The following CDC42SE2 variants were observed in gnomAD, a reference collection of about 807,000 sequenced individuals.
CDC42SE2 encodes CDC42 small effector 2, also known as CDC42 small effector protein 2.
A neutral mutation model predicts 11.5 loss-of-function variants in CDC42SE2; 3 were observed. The observed-to-expected ratio is 0.26, with a 90% confidence interval of 0.12 to 0.67. CDC42SE2 has a LOEUF of 0.67. Among genes scored for constraint, CDC42SE2 ranks in the 30% least tolerant of loss-of-function variants. The probability of loss-of-function intolerance (pLI) is 0.80; values close to 1 mark genes in which losing one functional copy is unlikely to be tolerated. For missense variants in CDC42SE2, 82 were observed against 106.8 expected, an observed-to-expected ratio of 0.77 and a Z score of 1.02; for synonymous variants, 33 against 34.8, an observed-to-expected ratio of 0.95 and a Z score of 0.18.
At chr5:131,351,303 G>T (rs557678208) in intron 2 of CDC42SE2, among the ~76,000 whole-genome samples, 1 of 152,010 alleles carries the variant, frequency 6.6e-6, no homozygotes, top group Non-Finnish European at 1.5e-5. Context: ...TGCCCAGGCT[G>T]GAGTGCAGTG....
intron 1 of CDC42SE2, among the ~76,000 whole-genome samples, chr5:131,291,169 T>C (rs946108129): frequency 6.6e-6 from 1 of 152,216 alleles, no homozygotes; most frequent in Non-Finnish European, 1.5e-5. Context: ...TGTCATATCT[T>C]AATCACTTAT....
chr5:131,217,089 T>G, the CDC42SE2 span, among the ~76,000 whole-genome samples: 1 of 152,242 alleles, frequency 6.6e-6, no homozygotes, highest in Non-Finnish European at 1.5e-5. Flanking sequence ...AATTATTTGA[T>G]AATTTTGGTG....
At chr5:131,310,447 T>C (rs1156640964) in intron 1 of CDC42SE2, among the ~76,000 whole-genome samples, 2 of 152,112 alleles carry the variant, frequency 1.3e-5, no homozygotes, top group Non-Finnish European at 2.9e-5. Flanking sequence ...GAGAGTTCTG[T>C]AGATGTCTAT....
chr5:131,389,527 T>C (rs571126348), intron 4 of CDC42SE2, among the ~76,000 whole-genome samples: 2 of 152,328 alleles, frequency 1.3e-5, no homozygotes, highest in African/African-American at 2.4e-5. Flanking sequence ...ATTAAGACTC[T>C]CTTGATCTAA....
intron 2 of CDC42SE2, among the ~76,000 whole-genome samples, chr5:131,332,272 C>T (rs1561587355): frequency 6.6e-6 from 1 of 152,190 alleles, no homozygotes; most frequent in Non-Finnish European, 1.5e-5. Flanking sequence ...CCAGCTTCAT[C>T]CATGTCCCTA....
Position 131,381,006 on chromosome 5 carries a change from A to G in CDC42SE2, c.55-4537A>G, listed in dbSNP as rs78910341. Among the ~76,000 whole-genome samples the G allele has an allele frequency of 1.1e-3, 172 of 152,162 alleles. 1 individual carries two copies. The East Asian group carries it at 0.029, about 26-fold the overall frequency. On this transcript the variant is annotated intron_variant, in intron 3 of 4. Transcript: ENST00000505065. ...CGTATTTGTCTTTAATTGACCTCTCACCACCTTTCAGCTCTGCTCCCTCTT... is the reference window on the plus strand; with the variant it reads ...CGTATTTGTCTTTAATTGACCTCTCGCCACCTTTCAGCTCTGCTCCCTCTT...
intron 3 of CDC42SE2, among the ~76,000 whole-genome samples, chr5:131,359,779 G>A (rs186242970): frequency 6.6e-6 from 1 of 152,296 alleles, no homozygotes; most frequent in African/African-American, 2.4e-5. Context: ...CTGAGAGGAG[G>A]TGTTCTTCTG....
chr5:131,298,462 A>G (rs1757618083), intron 1 of CDC42SE2, among the ~76,000 whole-genome samples: 1 of 151,376 alleles, frequency 6.6e-6, no homozygotes, highest in Non-Finnish European at 1.5e-5. Context: ...ATAGAATCTT[A>G]GAATTGATTT....
chr5:131,299,229 A>G (rs1757632286), intron 1 of CDC42SE2, among the ~76,000 whole-genome samples: 1 of 152,206 alleles, frequency 6.6e-6, no homozygotes, highest in Admixed American at 6.5e-5. Context: ...TACGTCAGGA[A>G]TAACATGATC....
At chr5:131,313,876 G>A (rs1009095692) in intron 1 of CDC42SE2, among the ~76,000 whole-genome samples, 23 of 152,050 alleles carry the variant, frequency 1.5e-4, no homozygotes, top group Middle Eastern at 3.4e-3. Context: ...CACCCTGGCC[G>A]TAGTGCAGTG....
At chr5:131,315,741 C>T (rs926892250) in intron 1 of CDC42SE2, among the ~76,000 whole-genome samples, 4 of 152,144 alleles carry the variant, frequency 2.6e-5, no homozygotes, top group African/African-American at 4.8e-5. Context: ...GGATTCTGCC[C>T]GGTGGGTAGA....
rs1416225128 is a variant in CDC42SE2, at chr5:131,393,966, C to T, written c.*2875C>T. On this transcript the variant is annotated 3_prime_UTR_variant, in exon 5 of 5. Coordinates refer to ENST00000505065, the MANE Select transcript of CDC42SE2 (RefSeq NM_001375635.1). ...ACAGGCACAGTAACTACACTTTATA[C>T]AGGAGCACATGCCAAAGTGCCTGGG... 6.6e-6 allele frequency: 1 copy of T among 151,926 alleles called. No homozygotes were observed. The highest frequency in any genetic ancestry group is 1.5e-5 in the Non-Finnish European group (1 of 67,970). 9.4% of individuals were successfully genotyped at this position (151,926 alleles called of 1,614,324 possible).
chr5:131,391,264 T>C lies in CDC42SE2; in HGVS notation c.*173T>C. On this transcript the variant is annotated 3_prime_UTR_variant, in exon 5 of 5. Coordinates refer to ENST00000505065, the MANE Select transcript of CDC42SE2 (RefSeq NM_001375635.1). ...GTAGTTTCTGCACTTGGAATGTAAG[T>C]TTTAGGTTCTTTTCCTTATTAAGAA... 3.7e-6 allele frequency: 1 copy of C among 269,240 alleles called. No homozygotes were observed. The allele number at this position is 269,240 out of a possible 1,614,324, so 16.7% of individuals were successfully genotyped here. A position where few individuals can be genotyped will look rare whatever the true frequency, so the allele number is the denominator to read the frequency against.
In CDC42SE2 at chr5:131,359,316, T is replaced by C. The variant is rs1749642222; in HGVS notation, c.-178T>C. On this transcript the variant is annotated 5_prime_UTR_variant, in exon 3 of 5. Coordinates refer to ENST00000505065, the MANE Select transcript of CDC42SE2 (RefSeq NM_001375635.1). Reference sequence around the variant, plus strand: ...AGCAAAGAAAGGAAACAATCCAAATTTTTCTTTATTAAATCGACTGTGTAA... The same window carrying C: ...AGCAAAGAAAGGAAACAATCCAAATCTTTCTTTATTAAATCGACTGTGTAA... The C allele has an allele frequency of 1.6e-6, 1 of 622,770 alleles. No homozygotes were observed. Among genetic ancestry groups the C allele is most frequent in the East Asian group, 2.7e-5 (1 of 37,148 alleles). The allele number at this position is 622,770 out of a possible 1,614,324, so 38.6% of individuals were successfully genotyped here.
intron 3 of CDC42SE2, among the ~76,000 whole-genome samples, chr5:131,380,822 A>AG (rs1292825134): frequency 6.6e-6 from 1 of 152,138 alleles, no homozygotes; most frequent in Non-Finnish European, 1.5e-5. Flanking sequence ...CCTGTCCAGA[A>AG]GGCCAGACTT....
intron 1 of CDC42SE2, among the ~76,000 whole-genome samples, chr5:131,276,650 TG>T (rs1480138265): frequency 6.6e-6 from 1 of 152,148 alleles, no homozygotes; most frequent in Non-Finnish European, 1.5e-5. Context: ...AATGTGTGTG[TG>T]GGTGTGTATA....
the CDC42SE2 span, among the ~76,000 whole-genome samples, chr5:131,224,184 T>C: frequency 2.0e-5 from 3 of 152,182 alleles, no homozygotes; most frequent in African/African-American, 7.2e-5. Flanking sequence ...TCCTGGGCCA[T>C]AAATGCCACC....
At chr5:131,382,047 G>C (rs945181362) in intron 3 of CDC42SE2, among the ~76,000 whole-genome samples, 1 of 152,194 alleles carries the variant, frequency 6.6e-6, no homozygotes, top group African/African-American at 2.4e-5. Context: ...TGTTAGATTA[G>C]ATGCCATGAA....
the CDC42SE2 span, among the ~76,000 whole-genome samples, chr5:131,239,618 C>A: frequency 6.6e-6 from 1 of 152,072 alleles, no homozygotes; most frequent in Admixed American, 6.6e-5. Context: ...AATTCATGGA[C>A]CACTGTTGAA....
Sources: allele counts gnomAD v4.1 joint callset (sites outside exome capture counted in the v4.1 genomes callset), GRCh38; gene constraint gnomAD v4.1.1; transcripts MANE v1.5; gene names NCBI Gene and HGNC (gene_info 2026-07-23, HGNC 2026-07-21).